The following RGL1 variants were observed in gnomAD, a reference collection of about 807,000 sequenced individuals.
RGL1 encodes ral guanine nucleotide dissociation stimulator-like 1.
Under a neutral mutation model 95.2 loss-of-function variants are expected in RGL1, and 24 were observed. The ratio of observed to expected loss-of-function variants is 0.25; its 90% CI spans 0.18 to 0.35. RGL1 has a LOEUF of 0.35. Ranked by LOEUF, RGL1 falls within the 10% of genes least tolerant of loss-of-function variation. The pLI, the probability that RGL1 is intolerant of heterozygous loss-of-function variation, is 1.00. For synonymous variants in RGL1, 329 were observed against 344.9 expected, an observed-to-expected ratio of 0.95 and a Z score of 0.51; for missense variants, 715 against 936.3, an observed-to-expected ratio of 0.76 and a Z score of 3.08.
upstream of RGL1, among the ~76,000 whole-genome samples, chr1:183,803,888 G>T (rs549459808): frequency 2.0e-5 from 3 of 152,312 alleles, no homozygotes; most frequent in Non-Finnish European, 4.4e-5. Flanking sequence ...TTTAGTCTAT[G>T]TGTTTTTCGT....
intron 5 of RGL1, among the ~76,000 whole-genome samples, chr1:183,881,878 C>G (rs1666843795): frequency 6.6e-6 from 1 of 152,232 alleles, no homozygotes; most frequent in African/African-American, 2.4e-5. Flanking sequence ...CAGCTCCCTT[C>G]AGGGCCTCCA....
At chr1:183,813,033 ATGAC>A (rs1301030346) in intron 2 of RGL1, among the ~76,000 whole-genome samples, 1 of 152,164 alleles carries the variant, frequency 6.6e-6, no homozygotes, top group East Asian at 1.9e-4. Flanking sequence ...TTTTAGAACA[ATGAC>A]TGACAGCTGC....
At chr1:183,900,431 T>C (rs1198079521) in intron 11 of RGL1, among the ~76,000 whole-genome samples, 195 bp downstream of exon 11, 1 of 152,240 alleles carries the variant, frequency 6.6e-6, no homozygotes. Flanking sequence ...GTAATTAATA[T>C]ATCAAAATAA....
chr1:183,905,418 T>C (rs1231385450), intron 13 of RGL1, among the ~76,000 whole-genome samples: 1 of 89,206 alleles, frequency 1.1e-5, no homozygotes, highest in Non-Finnish European at 2.9e-5. Flanking sequence ...CTTTGAAATA[T>C]GATGGGTAAC....
At chr1:183,809,950 C>CT (rs1027590984) in intron 2 of RGL1, among the ~76,000 whole-genome samples, 1 of 152,094 alleles carries the variant, frequency 6.6e-6, no homozygotes, top group African/African-American at 2.4e-5. Flanking sequence ...GAGTGAGACT[C>CT]TGTCTCTTAA....
chr1:183,912,010 A>C (rs931419667), intron 14 of RGL1, 72 bp from the exon 15 acceptor site: 1 of 1,373,272 alleles, frequency 7.3e-7, no homozygotes, highest in African/African-American at 1.4e-5. Context: ...CTTAATCAAC[A>C]CAAAATATTT....
Position 183,716,955 on chromosome 1 carries a change from G to T in RGL1, c.-32-25171G>T, listed in dbSNP as rs1253826580. ...CTGGCAAATCAGGGAGCCAAGTCTG[G>T]GGGCTCTTTTGATCCTGTACTGGAT... On this transcript the variant is annotated intron_variant, in intron 1 of 18. Transcript: ENST00000304685. Among the ~76,000 whole-genome samples, 4 of 152,158 alleles carry T rather than the reference G, an allele frequency of 2.6e-5. No homozygotes were observed. The East Asian group carries it at 7.7e-4, about 29-fold the overall frequency.
intron 4 of RGL1, among the ~76,000 whole-genome samples, chr1:183,878,157 T>G (rs1265320617): frequency 7.0e-6 from 1 of 143,316 alleles, no homozygotes; most frequent in Non-Finnish European, 1.6e-5. Context: ...TCTTTCTATC[T>G]ATCTATCTAT....
At chr1:183,836,314 G>A (rs371542020) in intron 2 of RGL1, among the ~76,000 whole-genome samples, 3 of 151,872 alleles carry the variant, frequency 2.0e-5, no homozygotes, top group Non-Finnish European at 2.9e-5. Flanking sequence ...GCAATGGCGC[G>A]ATCTCAGGTC....
At chr1:183,876,533 AC>A (rs1362974824) in intron 4 of RGL1, among the ~76,000 whole-genome samples, 1 of 152,260 alleles carries the variant, frequency 6.6e-6, no homozygotes, top group Non-Finnish European at 1.5e-5. Context: ...AAAGGAAGTC[AC>A]ATACTGGCTT....
At chr1:183,750,001 T>C (rs1436321187) in intron 2 of RGL1, among the ~76,000 whole-genome samples, 1 of 152,226 alleles carries the variant, frequency 6.6e-6, no homozygotes, top group African/African-American at 2.4e-5. Flanking sequence ...ATTTTTTTCT[T>C]CATTTCAACC....
chr1:183,908,166 G>C (rs540955999), intron 14 of RGL1, among the ~76,000 whole-genome samples: 343 of 152,100 alleles, frequency 2.3e-3, no homozygotes, highest in Non-Finnish European at 3.3e-3. Context: ...TGAGGATTTG[G>C]GGGGATCAGG....
intron 4 of RGL1, among the ~76,000 whole-genome samples, chr1:183,879,059 G>A (rs1274453408): frequency 6.6e-6 from 1 of 152,140 alleles, no homozygotes; most frequent in Non-Finnish European, 1.5e-5. Context: ...TGAAATTATT[G>A]TTTATCATTT....
At chr1:183,866,343 A>G (rs1483422716) in intron 4 of RGL1, among the ~76,000 whole-genome samples, 3 of 152,240 alleles carry the variant, frequency 2.0e-5, no homozygotes, top group African/African-American at 7.2e-5. Context: ...CCAGCTCATA[A>G]AAAGTGTGTA....
chr1:183,863,806 TG>T lies in RGL1; in HGVS notation c.348-2188del, dbSNP rs143540132. Reference sequence around the variant, plus strand: ...ACTCCTTTTTATCCATGGCCCTTATTGGTGTCCAAGTTATTATCAAGCAGTC... The same window carrying T: ...ACTCCTTTTTATCCATGGCCCTTATTGTGTCCAAGTTATTATCAAGCAGTC... On this transcript the variant is annotated intron_variant, in intron 3 of 17. Transcript: ENST00000360851. Among the ~76,000 whole-genome samples, 504 of 152,310 alleles carry T rather than the reference TG, an allele frequency of 3.3e-3. 3 individuals are homozygous for T. The highest frequency in any genetic ancestry group is 0.011 in the African/African-American group (446 of 41,566).
intron 2 of RGL1, among the ~76,000 whole-genome samples, chr1:183,784,887 T>C (rs1293858333): frequency 6.6e-6 from 1 of 152,220 alleles, no homozygotes; most frequent in Non-Finnish European, 1.5e-5. Context: ...ACTTCTCCAG[T>C]GTGTTCACTT....
chr1:183,890,844 G>T (rs533365460), intron 8 of RGL1, among the ~76,000 whole-genome samples: 1 of 152,140 alleles, frequency 6.6e-6, no homozygotes, highest in Non-Finnish European at 1.5e-5. Flanking sequence ...ATAGCTAAAG[G>T]GTAGAGGGCT....
chr1:183,732,649 C>T (rs1480689042), intron 1 of RGL1, among the ~76,000 whole-genome samples: 1 of 152,092 alleles, frequency 6.6e-6, no homozygotes, highest in Non-Finnish European at 1.5e-5. Context: ...CACAGAAGCC[C>T]CGCAGATGTA....
At chr1:183,918,311 TG>T (rs1669108207) in intron 16 of RGL1, among the ~76,000 whole-genome samples, 4 of 151,874 alleles carry the variant, frequency 2.6e-5, no homozygotes, top group Admixed American at 2.6e-4. Context: ...TGAGGCAGAA[TG>T]CAAGTGGTAA....
Sources: gnomAD v4.1 joint callset for allele counts (sites outside exome capture counted in the v4.1 genomes callset) on GRCh38, gnomAD v4.1.1 for gene constraint, MANE v1.5 for transcripts, NCBI Gene and HGNC (gene_info 2026-07-23, HGNC 2026-07-21) for gene names.